The following ARID4B variants were observed in gnomAD, a reference collection of about 807,000 sequenced individuals.
The protein encoded by ARID4B is AT-rich interactive domain-containing protein 4B.
A neutral mutation model predicts 147.5 loss-of-function variants in ARID4B; 26 were observed. The ratio of observed to expected loss-of-function variants is 0.18; its 90% CI spans 0.13 to 0.24. The LOEUF is 0.24. ARID4B is among the 10% of genes least tolerant of loss of function. The pLI is 1.00. For missense variants in ARID4B, 1,179 were observed against 1,511.5 expected (o/e 0.78, Z 3.65); for synonymous variants, 512 against 507.9 (o/e 1.01, Z -0.11).
chr1:235,216,370 C>T (rs1334472708), intron 16 of ARID4B, among the ~76,000 whole-genome samples: 1 of 151,438 alleles, frequency 6.6e-6, no homozygotes, highest in Non-Finnish European at 1.5e-5. Flanking sequence ...TTTTTTGAGA[C>T]AGAGTCTCGC....
At chr1:235,273,441 T>C (rs541273047) in intron 2 of ARID4B, among the ~76,000 whole-genome samples, 1 of 152,300 alleles carries the variant, frequency 6.6e-6, no homozygotes, top group African/African-American at 2.4e-5. Flanking sequence ...AAACATAAAG[T>C]TACCATATTT....
At position 235,167,572 on chromosome 1, in the gene ARID4B, T is replaced by G. The variant is rs1571875642; in HGVS notation, c.*953A>C. 2 of 219,998 alleles carry G rather than the reference T, an allele frequency of 9.1e-6. No individual in the cohort carries two copies. Among genetic ancestry groups the G allele is most frequent in the East Asian group, 1.4e-4 (2 of 14,810 alleles). 13.6% of individuals were successfully genotyped at this position (219,998 alleles called of 1,614,324 possible). A position where few individuals can be genotyped will look rare whatever the true frequency, so the allele number is the denominator to read the frequency against. On this transcript the variant is annotated 3_prime_UTR_variant, in exon 24 of 24. Transcript: ENST00000264183. ...CTTTTGAGACAGTTCCTATCAACAA[T>G]CTTGAACCATACTAATACATTACTT...
chr1:235,180,889 A>G (rs1006172512), intron 20 of ARID4B: 5 of 158,580 alleles, frequency 3.2e-5, no homozygotes, highest in African/African-American at 1.2e-4. Context: ...TGATGACAGA[A>G]GTATGGCTAT....
intron 3 of ARID4B, among the ~76,000 whole-genome samples, chr1:235,257,685 T>A (rs1290232184): frequency 4.6e-5 from 7 of 152,006 alleles, no homozygotes; most frequent in Non-Finnish European, 5.9e-5. Context: ...TTCAACACAT[T>A]GGCCAGGCTG....
intron 2 of ARID4B, among the ~76,000 whole-genome samples, chr1:235,311,061 C>T (rs1264312738): frequency 6.6e-6 from 1 of 152,116 alleles, no homozygotes; most frequent in Non-Finnish European, 1.5e-5. Context: ...CAGGGATGCT[C>T]CCTCACTAAT....
At chr1:235,286,063 T>TGTTTTTTTTC (rs1379081175) in intron 2 of ARID4B, among the ~76,000 whole-genome samples, 2 of 152,082 alleles carry the variant, frequency 1.3e-5, no homozygotes, top group Non-Finnish European at 2.9e-5. Flanking sequence ...TTGTTTTGTT[T>TGTTTTTTTTC]TGAGATAGGG....
intron 2 of ARID4B, among the ~76,000 whole-genome samples, chr1:235,270,294 A>C (rs933506512): frequency 2.6e-5 from 4 of 152,176 alleles, no homozygotes; most frequent in African/African-American, 9.7e-5. Context: ...AAAAAACAAA[A>C]AACAAAACAA....
chr1:235,196,624 C>T (rs1000979386), intron 17 of ARID4B, among the ~76,000 whole-genome samples: 3 of 151,916 alleles, frequency 2.0e-5, no homozygotes, highest in Admixed American at 6.6e-5. Context: ...GAGACCAAGG[C>T]GGGCAGATCA....
chr1:235,196,211 T>G, intron 17 of ARID4B, 96 bp from the exon 18 acceptor site: 1 of 579,678 alleles, frequency 1.7e-6, no homozygotes, highest in Non-Finnish European at 2.8e-6. Flanking sequence ...ATCTTGACAT[T>G]TTAGAAGGGA....
At chr1:235,195,718 C>A (rs1665448536) in intron 18 of ARID4B, among the ~76,000 whole-genome samples, 1 of 152,136 alleles carries the variant, frequency 6.6e-6, no homozygotes. Context: ...ACAATAATAA[C>A]CTATGTCTCT....
At chr1:235,282,403 G>T (rs1671720781) in intron 2 of ARID4B, among the ~76,000 whole-genome samples, 1 of 152,126 alleles carries the variant, frequency 6.6e-6, no homozygotes, top group Admixed American at 6.5e-5. Context: ...CTTCTTTTTG[G>T]TAGGCTTTGG....
At chr1:235,215,906 T>C (rs56805197) in intron 16 of ARID4B, among the ~76,000 whole-genome samples, 6,055 of 151,446 alleles carry the variant, frequency 0.04, 452 homozygotes, top group African/African-American at 0.14. Flanking sequence ...ATAATATTTA[T>C]ATTAAAAAAA....
intron 2 of ARID4B, among the ~76,000 whole-genome samples, chr1:235,301,038 CTTTTTT>C (rs780839339): frequency 2.1e-4 from 24 of 112,270 alleles, no homozygotes; most frequent in African/African-American, 4.4e-4. Context: ...TTTAAGTATT[CTTTTTT>C]TTTTTTTTTT....
intron 19 of ARID4B, among the ~76,000 whole-genome samples, chr1:235,192,304 A>G (rs1172334597): frequency 6.6e-6 from 1 of 152,186 alleles, no homozygotes; most frequent in Non-Finnish European, 1.5e-5. Flanking sequence ...GGATTACACA[A>G]AAGTCCAGAC....
chr1:235,229,044 C>T, intron 11 of ARID4B, 187 bp downstream of exon 11: 1 of 638,344 alleles, frequency 1.6e-6, no homozygotes, highest in Non-Finnish European at 2.5e-6. Flanking sequence ...TTTTCTATTT[C>T]ACAAGATCAT....
At position 235,240,587 on chromosome 1, in the gene ARID4B, T is replaced by TTTTCTAAA. The variant is rs1200459566; in HGVS notation, c.447-144_447-137dup. ...AATGGCTAATTTAAATCTTAAATCA[T>TTTTCTAAA]TTTCTAAATTTCTAAAAAATAACAG... On this transcript the variant is annotated intron_variant, in intron 7 of 23. Coordinates refer to ENST00000264183, the MANE Select transcript of ARID4B (RefSeq NM_016374.6). 66 of 790,336 alleles carry TTTTCTAAA rather than the reference T, an allele frequency of 8.4e-5. 1 individual carries two copies. In the South Asian group the frequency reaches 1.1e-3, roughly 13 times the overall value. The allele number at this position is 790,336 out of a possible 1,614,324, so 49.0% of individuals were successfully genotyped here.
At chr1:235,325,275 A>G (rs971925771) in intron 2 of ARID4B, among the ~76,000 whole-genome samples, 8 of 152,126 alleles carry the variant, frequency 5.3e-5, no homozygotes, top group Non-Finnish European at 8.8e-5. Context: ...TTCTAAAAAG[A>G]TACCAAAAAA....
intron 2 of ARID4B, among the ~76,000 whole-genome samples, chr1:235,283,376 G>A (rs1475051705): frequency 1.3e-5 from 2 of 152,090 alleles, no homozygotes; most frequent in Non-Finnish European, 1.5e-5. Context: ...AGAAGCTAAT[G>A]TTTAAAATGT....
At chr1:235,239,380 TA>T (rs1459248672) in intron 8 of ARID4B, among the ~76,000 whole-genome samples, 1 of 152,240 alleles carries the variant, frequency 6.6e-6, no homozygotes. Flanking sequence ...AATGCATTCT[TA>T]TTGCCACAGA....
Sources: gnomAD v4.1 joint callset for allele counts (sites outside exome capture counted in the v4.1 genomes callset) on GRCh38, gnomAD v4.1.1 for gene constraint, MANE v1.5 for transcripts, NCBI Gene and HGNC (gene_info 2026-07-23, HGNC 2026-07-21) for gene names.